The following KAT14 variants were observed in gnomAD, a reference collection of about 807,000 sequenced individuals.
The protein encoded by KAT14 is cysteine-rich protein 2-binding protein.
A neutral mutation model predicts 78.4 loss-of-function variants in KAT14; 66 were observed. The ratio of observed to expected loss-of-function variants is 0.84; its 90% CI spans 0.69 to 1.03. The LOEUF is 1.03. Among genes scored for constraint, KAT14 ranks in the 50% least tolerant of loss-of-function variants. The pLI, the probability that KAT14 is intolerant of heterozygous loss-of-function variation, is 0.00. For missense variants in KAT14, 870 were observed against 972.5 expected (o/e 0.89, Z 1.40); for synonymous variants, 344 against 359.4 (o/e 0.96, Z 0.48).
At chr20:18,182,357 A>G (rs1161601959) in intron 8 of KAT14, among the ~76,000 whole-genome samples, 1 of 152,098 alleles carries the variant, frequency 6.6e-6, no homozygotes, top group East Asian at 1.9e-4. Flanking sequence ...CCTGACCTCA[A>G]GTGATCCACC....
Position 18,164,296 on chromosome 20 carries a change from T to C in KAT14, c.1668+1351T>C, listed in dbSNP as rs569090956. ...CAGTACAGTACTCCCACCCTTGGCT[T>C]CCTGTGTCCAGAATCTCCCTCTTGA... On this transcript the variant is annotated intron_variant, in intron 7 of 10. Transcript: ENST00000688188. Among the ~76,000 whole-genome samples the C allele has an allele frequency of 4.7e-4, 71 of 152,312 alleles. 3 individuals are homozygous for C. The highest frequency in any genetic ancestry group is 4.6e-4 in the Non-Finnish European group (31 of 68,016).
In KAT14 at chr20:18,142,523, T is replaced by C. The variant is rs2037625552; in HGVS notation, c.-138T>C. Reference sequence around the variant, plus strand: ...AAGTTACTGCTTTCAGGGTCCCTTATATCTGAATAAAGGAGTGTGGGCAGA... The same window carrying C: ...AAGTTACTGCTTTCAGGGTCCCTTACATCTGAATAAAGGAGTGTGGGCAGA... On this transcript the variant is annotated 5_prime_UTR_variant, in exon 2 of 11. Transcript: ENST00000688188. 7.4e-6 allele frequency: 11 copies of C among 1,476,992 alleles called. No individual in the cohort carries two copies. The highest frequency in any genetic ancestry group is 1.4e-5 in the African/African-American group (1 of 70,908). The allele number at this position is 1,476,992 out of a possible 1,614,324, so 91.5% of individuals were successfully genotyped here.
intron 10 of KAT14, among the ~76,000 whole-genome samples, chr20:18,186,838 T>C (rs1403801597): frequency 5.3e-5 from 8 of 152,214 alleles, no homozygotes; most frequent in African/African-American, 1.9e-4. Context: ...TGTTTGTGCA[T>C]GTAATTTAGC....
rs1304086266 is a variant in KAT14, at chr20:18,140,836, AC to A, written c.-453-1370del. On this transcript the variant is annotated intron_variant, in intron 1 of 10. Coordinates refer to ENST00000688188, the MANE Select transcript of KAT14 (RefSeq NM_001392073.1). ...TCCTTCTCAAAAAAAAAAAAAAAAA[AC>A]CAATAAAACAAAACAAAAAAAACCC... Among the ~76,000 whole-genome samples the A allele has an allele frequency of 8.5e-4, 123 of 145,010 alleles. 4 individuals carry two copies. Among genetic ancestry groups the A allele is most frequent in the Non-Finnish European group, 9.7e-4 (64 of 65,874 alleles).
chr20:18,180,436 C>A (rs548820051), intron 7 of KAT14, among the ~76,000 whole-genome samples: 5 of 152,350 alleles, frequency 3.3e-5, no homozygotes, highest in Non-Finnish European at 7.3e-5. Context: ...AAGTTCCAAA[C>A]TTTCCCACAT....
rs2037784195 is a variant in KAT14, at chr20:18,145,273, T to A, written c.300T>A (p.Asn100Lys). Residue 100 changes from asparagine (N) to lysine (K), a missense_variant, in exon 3 of 11, where the codon AAT becomes AAA. Coordinates refer to ENST00000688188, the MANE Select transcript of KAT14 (RefSeq NM_001392073.1). ...REQLSYLKGD[N>K]FFRFTCSDCS... ...AGCTCAGTTACCTTAAGGGTGATAA[T>A]TTTTTTAGGTTTACTTGTTCGGATT... is the stretch of plus-strand genomic sequence containing the variant. 1.2e-6 allele frequency: 2 copies of A among 1,614,004 alleles called. No homozygotes were observed. Among genetic ancestry groups the A allele is most frequent in the South Asian group, 1.1e-5 (1 of 91,076 alleles).
In KAT14 at chr20:18,138,360, G is replaced by A. The variant is rs558647438; in HGVS notation, c.-454+309G>A. 94 of 1,079,034 alleles carry A rather than the reference G, an allele frequency of 8.7e-5. No homozygotes were observed. In the African/African-American group the frequency reaches 1.5e-3, roughly 17 times the overall value. The allele number at this position is 1,079,034 out of a possible 1,614,324, so 66.8% of individuals were successfully genotyped here. The stretch of plus-strand genomic sequence containing the variant: ...GGCACGGCACGCAAGCTTTTGGGGT[G>A]CCCAGTGGCTCTGTTTTCAAGTCAC... On this transcript the variant is annotated intron_variant, in intron 1 of 10. Transcript: ENST00000688188.
chr20:18,161,122 C>T (rs934224974), intron 5 of KAT14, among the ~76,000 whole-genome samples: 1 of 150,770 alleles, frequency 6.6e-6, no homozygotes, highest in Non-Finnish European at 1.5e-5. Flanking sequence ...TGCAGTGAGC[C>T]GAGATCACAC....
chr20:18,161,378 C>T (rs1254014024), intron 5 of KAT14, among the ~76,000 whole-genome samples: 6 of 151,988 alleles, frequency 3.9e-5, no homozygotes, highest in African/African-American at 1.2e-4. Flanking sequence ...TTTGCCAGTT[C>T]CAGTAGGTGA....
Position 18,162,147 on chromosome 20 carries a change from C to T in KAT14, c.1007C>T (p.Pro336Leu). 1.2e-6 allele frequency: 2 copies of T among 1,614,248 alleles called. No homozygotes were observed. Among genetic ancestry groups the T allele is most frequent in the Non-Finnish European group, 1.7e-6 (2 of 1,180,054 alleles). The change falls in exon 6 of 11, where the codon CCT becomes CTT. Residue 336 changes from proline (P) to leucine (L), a missense_variant. Physicochemically the swap from Pro to Leu is moderately conservative, Grantham distance 98 (BLOSUM62 -3). Coordinates refer to ENST00000688188, the MANE Select transcript of KAT14 (RefSeq NM_001392073.1). ...TCTCCTTCTCTGGATTTCTCTGCCC[C>T]TGGTACACCTGCCTCTCATTCTGCC... ...SPSPSLDFSA[P>L]GTPASHSATP...
intron 7 of KAT14, among the ~76,000 whole-genome samples, chr20:18,175,492 A>G (rs981482254): frequency 6.6e-6 from 1 of 151,964 alleles, no homozygotes; most frequent in Non-Finnish European, 1.5e-5. Flanking sequence ...ACTCGTACCC[A>G]GCCACCTGTC....
rs1454931502 is a variant in KAT14, at chr20:18,142,677, A to G, written c.17A>G (p.His6Arg). MDSSI[H>R]LSSLISRHDD... ...AAGGAAGGGATGGATAGTAGCATCC[A>G]CCTGAGTAGTCTGATCAGTCGGCAT... Residue 6 changes from histidine (H) to arginine (R), a missense_variant, in exon 2 of 11, where the codon CAC (histidine) becomes CGC (arginine). Physicochemically the swap from His to Arg is conservative, Grantham distance 29. Coordinates refer to ENST00000688188, the MANE Select transcript of KAT14 (RefSeq NM_001392073.1). The G allele has an allele frequency of 3.7e-6, 6 of 1,614,218 alleles. No homozygotes were observed. Among genetic ancestry groups the G allele is most frequent in the Non-Finnish European group, 5.1e-6 (6 of 1,180,040 alleles).
At chr20:18,174,438 G>T (rs956310895) in intron 7 of KAT14, among the ~76,000 whole-genome samples, 1 of 152,058 alleles carries the variant, frequency 6.6e-6, no homozygotes, top group African/African-American at 2.4e-5. Context: ...ACCAAGCAGG[G>T]TATGAAGATT....
chr20:18,184,089 C>T (rs1397016921), intron 9 of KAT14, among the ~76,000 whole-genome samples: 4 of 152,126 alleles, frequency 2.6e-5, no homozygotes, highest in Non-Finnish European at 5.9e-5. Flanking sequence ...TGTTAGGTGC[C>T]TTCCATACAT....
At chr20:18,170,604 G>A (rs574175406) in intron 7 of KAT14, among the ~76,000 whole-genome samples, 3 of 152,268 alleles carry the variant, frequency 2.0e-5, no homozygotes, top group Admixed American at 6.5e-5. Context: ...GCGCAATCTC[G>A]GCTCACTGCA....
chr20:18,142,267 T>G lies in KAT14; in HGVS notation c.-394T>G. Reference sequence around the variant, plus strand: ...GGCAAATTCGGAAAAAAGAAAACATTCGTCTTTTGGGAGAACAGATTATTT... The same window carrying G: ...GGCAAATTCGGAAAAAAGAAAACATGCGTCTTTTGGGAGAACAGATTATTT... On this transcript the variant is annotated 5_prime_UTR_variant, in exon 2 of 11. It adds an upstream start codon to the 5' untranslated region. Coordinates refer to ENST00000688188, the MANE Select transcript of KAT14 (RefSeq NM_001392073.1). 6.5e-7 allele frequency: 1 copy of G among 1,537,170 alleles called. No homozygotes were observed. The highest frequency in any genetic ancestry group is 8.7e-7 in the Non-Finnish European group (1 of 1,146,888).
In KAT14 at chr20:18,181,714, C is replaced by T. The variant is rs2146529199; in HGVS notation, c.1673C>T (p.Ser558Phe). The stretch of plus-strand genomic sequence containing the variant: ...ACCAGTGTTTCTTTCTCATAGACTT[C>T]CTTGCCGTCCAGGAAGGGATTTCGA... ...DFRILDRYQT[S>F]LPSRKGFRHQ... Residue 558 changes from serine (S) to phenylalanine (F), a missense_variant, in exon 8 of 11, where the codon TCC becomes TTC. Coordinates refer to ENST00000688188, the MANE Select transcript of KAT14 (RefSeq NM_001392073.1). The T allele has an allele frequency of 6.2e-7, 1 of 1,614,106 alleles. No homozygotes were observed. Among genetic ancestry groups the T allele is most frequent in the Non-Finnish European group, 8.5e-7 (1 of 1,179,988 alleles).
intron 10 of KAT14, among the ~76,000 whole-genome samples, 188 bp from the exon 11 acceptor site, chr20:18,187,098 A>T (rs554585481): frequency 1.3e-5 from 2 of 152,348 alleles, no homozygotes; most frequent in African/African-American, 4.8e-5. Context: ...GGTCTTGTGA[A>T]TGTTTTGATC....
At chr20:18,172,973 G>A (rs1030493675) in intron 7 of KAT14, among the ~76,000 whole-genome samples, 6 of 152,116 alleles carry the variant, frequency 3.9e-5, no homozygotes, top group East Asian at 1.9e-4. Context: ...TTTTCTCTCC[G>A]GTCAGCTGGG....
Sources: gnomAD v4.1 joint callset for allele counts (sites outside exome capture counted in the v4.1 genomes callset) on GRCh38, gnomAD v4.1.1 for gene constraint, MANE v1.5 for transcripts, NCBI Gene and HGNC (gene_info 2026-07-23, HGNC 2026-07-21) for gene names.